The following MGRN1 variants were observed in gnomAD, a reference collection of about 807,000 sequenced individuals.
MGRN1 encodes the protein mahogunin ring finger 1, also known as E3 ubiquitin-protein ligase MGRN1.
In MGRN1, 29 loss-of-function variants were observed where a neutral mutation model predicts 69.2. That is an observed-to-expected ratio of 0.42 (90% confidence interval 0.31 to 0.57). The LOEUF (loss-of-function observed/expected upper bound fraction) is 0.57. Among genes scored for constraint, MGRN1 ranks in the 20% least tolerant of loss-of-function variants. MGRN1 has a pLI of 0.15. For missense variants in MGRN1, 998 were observed against 796.2 expected, an observed-to-expected ratio of 1.25 and a Z score of -3.05; for synonymous variants, 470 against 344.2, an observed-to-expected ratio of 1.37 and a Z score of -4.04.
At chr16:4,664,387 G>C in intron 5 of MGRN1, 1 of 387,444 alleles carries the variant, frequency 2.6e-6, no homozygotes, top group African/African-American at 2.0e-5. Context: ...GGTGCTGATG[G>C]CTACGTGTGG....
chr16:4,626,225 TCA>T (rs892281940), intron 1 of MGRN1, among the ~76,000 whole-genome samples: 11 of 152,206 alleles, frequency 7.2e-5, no homozygotes, highest in African/African-American at 2.4e-4. Context: ...GGGGATGGAC[TCA>T]GAGCTAGGCA....
At chr16:4,672,671 G>C (rs1007379578) in intron 9 of MGRN1, among the ~76,000 whole-genome samples, 6 of 152,200 alleles carry the variant, frequency 3.9e-5, no homozygotes, top group Non-Finnish European at 8.8e-5. Flanking sequence ...AAAATGAGTG[G>C]GTGTGGCGGT....
At chr16:4,645,019 A>T (rs77634053) in intron 1 of MGRN1, among the ~76,000 whole-genome samples, 1 of 152,170 alleles carries the variant, frequency 6.6e-6, no homozygotes, top group Non-Finnish European at 1.5e-5. Context: ...TTAATTTTAA[A>T]AAGATAAAGG....
chr16:4,687,136 C>T (rs1055547356), intron 16 of MGRN1: 2 of 985,354 alleles, frequency 2.0e-6, no homozygotes, highest in Non-Finnish European at 1.2e-6. Flanking sequence ...TCACCTGTCC[C>T]TCCCAGTACT....
At chr16:4,651,072 A>G (rs2011819) in intron 2 of MGRN1, 20,250 of 151,872 alleles carry the variant, frequency 0.13, 3,021 homozygotes, top group African/African-American at 0.37. Flanking sequence ...TTGCACCACT[A>G]CACTCCAGAC....
chr16:4,683,218 TC>T lies in MGRN1; in HGVS notation c.1483-4del, dbSNP rs1289189406. ...GCTCTAGGCTACTTTCCCCTTTGTT[TC>T]CTAGAGTTTCATAACAGAAGAGGTT... On this transcript the variant is annotated splice_region_variant and splice_polypyrimidine_tract_variant and intron_variant, in intron 14 of 16. Coordinates refer to ENST00000262370, the MANE Select transcript of MGRN1 (RefSeq NM_015246.4). 3 of 1,613,656 alleles carry T rather than the reference TC, an allele frequency of 1.9e-6. No homozygotes were observed. Among genetic ancestry groups the T allele is most frequent in the Non-Finnish European group, 2.5e-6 (3 of 1,179,952 alleles).
rs11539929 is a variant in MGRN1, at chr16:4,688,984, G to A, written c.*76G>A. On this transcript the variant is annotated 3_prime_UTR_variant, in exon 17 of 17. Transcript: ENST00000262370. ...GAGGGGCTGCTCCGGACCCCGTTGT[G>A]AGCCGGCCTCCTGTCTGCATGCCCC... is the stretch of plus-strand genomic sequence containing the variant. The A allele has an allele frequency of 6.9e-7, 1 of 1,459,710 alleles. No homozygotes were observed. The highest frequency in any genetic ancestry group is 9.1e-7 in the Non-Finnish European group (1 of 1,100,622). 90.4% of individuals were successfully genotyped at this position (1,459,710 alleles called of 1,614,324 possible).
chr16:4,639,969 C>G (rs1156634490), intron 1 of MGRN1: 1 of 152,318 alleles, frequency 6.6e-6, no homozygotes, highest in Non-Finnish European at 1.5e-5. Context: ...TGCGGCTCCT[C>G]TGCTGCGTTG....
intron 1 of MGRN1, among the ~76,000 whole-genome samples, chr16:4,638,065 A>T (rs1216118828): frequency 6.6e-6 from 1 of 152,080 alleles, no homozygotes; most frequent in Non-Finnish European, 1.5e-5. Flanking sequence ...TCCGAAAGGG[A>T]CTTCTAGCCA....
chr16:4,635,237 C>T (rs913587919), intron 1 of MGRN1, among the ~76,000 whole-genome samples: 1 of 151,972 alleles, frequency 6.6e-6, no homozygotes, highest in African/African-American at 2.4e-5. Context: ...CATGGCAAAA[C>T]CCTATCTCTA....
At chr16:4,673,801 G>A in intron 10 of MGRN1, 144 bp downstream of exon 10, 2 of 1,113,832 alleles carry the variant, frequency 1.8e-6, no homozygotes, top group Non-Finnish European at 2.5e-6. Context: ...GCTGAACGTG[G>A]GCGTGTTGGC....
At chr16:4,646,729 G>C (rs767233253) in intron 1 of MGRN1, among the ~76,000 whole-genome samples, 38 of 152,262 alleles carry the variant, frequency 2.5e-4, no homozygotes, top group Non-Finnish European at 4.6e-4. Flanking sequence ...TGTCGGCCGG[G>C]AGGTGAGATG....
Position 4,671,476 on chromosome 16 carries a change from G to T in MGRN1, c.795+17G>T. On this transcript the variant is annotated intron_variant, in intron 9 of 16. Transcript: ENST00000262370. The stretch of plus-strand genomic sequence containing the variant: ...GAGACCAAGGTGTGTATCTGGGTGA[G>T]GTTTCCCTCTGCCATTACAGAAGCC... The T allele has an allele frequency of 6.2e-7, 1 of 1,612,896 alleles. No individual in the cohort carries two copies. The highest frequency in any genetic ancestry group is 8.5e-7 in the Non-Finnish European group (1 of 1,178,902).
At chr16:4,625,756 C>T (rs760330636) in intron 1 of MGRN1, among the ~76,000 whole-genome samples, 2 of 152,250 alleles carry the variant, frequency 1.3e-5, no homozygotes, top group Non-Finnish European at 2.9e-5. Context: ...TCCCAGCTCT[C>T]TTTCTGCCTC....
chr16:4,683,556 CAAA>C (rs60937592), intron 15 of MGRN1, among the ~76,000 whole-genome samples: 1 of 143,180 alleles, frequency 7.0e-6, no homozygotes, highest in Non-Finnish European at 1.5e-5. Context: ...TTTCTATGAC[CAAA>C]AAAAAAAAAG....
intron 5 of MGRN1, among the ~76,000 whole-genome samples, chr16:4,659,758 A>G (rs2078634156): frequency 6.6e-6 from 1 of 152,228 alleles, no homozygotes; most frequent in Non-Finnish European, 1.5e-5. Flanking sequence ...ACAGAAAAAC[A>G]TTTGGTCTGG....
chr16:4,654,345 A>C (rs1369976371), intron 4 of MGRN1, among the ~76,000 whole-genome samples: 1 of 152,212 alleles, frequency 6.6e-6, no homozygotes, highest in Non-Finnish European at 1.5e-5. Flanking sequence ...GCTGGGACCA[A>C]ATATTTATTT....
At chr16:4,637,874 G>A (rs940040072) in intron 1 of MGRN1, among the ~76,000 whole-genome samples, 2 of 152,240 alleles carry the variant, frequency 1.3e-5, no homozygotes, top group African/African-American at 4.8e-5. Context: ...GCCACCCTGA[G>A]GGTGGTGGAG....
Position 4,654,639 on chromosome 16 carries a change from G to A in MGRN1, c.443+1815G>A, listed in dbSNP as rs903313266. Among the ~76,000 whole-genome samples the A allele has an allele frequency of 1.2e-4, 19 of 152,250 alleles. 1 individual carries two copies. The highest frequency in any genetic ancestry group is 2.4e-4 in the Non-Finnish European group (16 of 68,048). On this transcript the variant is annotated intron_variant, in intron 4 of 16. Transcript: ENST00000262370. ...GCTGTCCCCGCTGAGTGGCTTGGGG[G>A]CACATGACTGCTTGTGCCTCTGTGT...
Sources: gnomAD v4.1 joint callset for allele counts (sites outside exome capture counted in the v4.1 genomes callset) on GRCh38, gnomAD v4.1.1 for gene constraint, MANE v1.5 for transcripts, NCBI Gene and HGNC (gene_info 2026-07-23, HGNC 2026-07-21) for gene names.